ERBB4: variants seen among roughly 807,000 people sequenced by gnomAD.
ERBB4 encodes the protein erb-b2 receptor tyrosine kinase 4.
A neutral mutation model predicts 158.0 loss-of-function variants in ERBB4; 42 were observed. The observed-to-expected ratio is 0.27, with a 90% CI of 0.21 to 0.34. The LOEUF (loss-of-function observed/expected upper bound fraction) is 0.34. Among genes scored for constraint, ERBB4 ranks in the 10% least tolerant of loss-of-function variants. The pLI, the probability that ERBB4 is intolerant of heterozygous loss-of-function variation, is 1.00. For missense variants in ERBB4, 1,333 were observed against 1,624.1 expected, an observed-to-expected ratio of 0.82 and a Z score of 3.08; for synonymous variants, 583 against 558.7, an observed-to-expected ratio of 1.04 and a Z score of -0.61.
chr2:212,215,492 A>G (rs1451522139), intron 1 of ERBB4, among the ~76,000 whole-genome samples: 1 of 151,412 alleles, frequency 6.6e-6, no homozygotes, highest in African/African-American at 2.4e-5. Flanking sequence ...TGATTTCTTA[A>G]TATTTCAACA....
chr2:212,512,044 C>A (rs1691551372), intron 1 of ERBB4, among the ~76,000 whole-genome samples: 1 of 152,066 alleles, frequency 6.6e-6, no homozygotes, highest in South Asian at 2.1e-4. Flanking sequence ...AGAATTCTAT[C>A]CCATTTTCAC....
chr2:211,713,707 C>A (rs919270515), intron 7 of ERBB4, 59 bp from the exon 8 acceptor site: 1 of 1,005,116 alleles, frequency 9.9e-7, no homozygotes, highest in South Asian at 1.3e-5. Flanking sequence ...AGCAAACAAG[C>A]TCAAAACAAG....
intron 12 of ERBB4, among the ~76,000 whole-genome samples, chr2:211,694,834 A>G (rs1018760948): frequency 2.6e-5 from 4 of 152,166 alleles, no homozygotes; most frequent in Non-Finnish European, 5.9e-5. Context: ...ACATTTACTC[A>G]AGATAGCATG....
intron 6 of ERBB4, among the ~76,000 whole-genome samples, chr2:211,723,766 C>T (rs2074177919): frequency 6.6e-6 from 1 of 152,118 alleles, no homozygotes; most frequent in Non-Finnish European, 1.5e-5. Flanking sequence ...ACAGATTGCT[C>T]AGGAACAAAG....
intron 14 of ERBB4, among the ~76,000 whole-genome samples, chr2:211,669,839 TCA>T (rs1196440168): frequency 6.6e-6 from 1 of 152,162 alleles, no homozygotes; most frequent in Non-Finnish European, 1.5e-5. Flanking sequence ...TATAGTTGAG[TCA>T]CAGTTTCATA....
chr2:212,188,216 C>G, intron 1 of ERBB4, among the ~76,000 whole-genome samples: 1 of 33,436 alleles, frequency 3.0e-5, no homozygotes, highest in Non-Finnish European at 6.4e-5. Context: ...CTCTCTCTCT[C>G]TCTCTCTCTC....
At chr2:211,724,282 A>C (rs565344987) in intron 6 of ERBB4, among the ~76,000 whole-genome samples, 17 of 152,186 alleles carry the variant, frequency 1.1e-4, no homozygotes, top group African/African-American at 3.6e-4. Context: ...GAAAACTAAG[A>C]AATTACTGTC....
intron 1 of ERBB4, among the ~76,000 whole-genome samples, chr2:212,533,647 A>G (rs1478355500): frequency 6.6e-6 from 1 of 152,218 alleles, no homozygotes; most frequent in East Asian, 1.9e-4. Context: ...CAATAGCTGT[A>G]TTAGAAATCA....
chr2:212,408,257 A>G (rs937141585), intron 1 of ERBB4, among the ~76,000 whole-genome samples: 2 of 151,806 alleles, frequency 1.3e-5, no homozygotes, highest in East Asian at 1.9e-4. Context: ...CCCTCCCCCA[A>G]TAGGTCCCAG....
At chr2:211,861,327 GT>G (rs1331572867) in intron 3 of ERBB4, among the ~76,000 whole-genome samples, 53 of 102,158 alleles carry the variant, frequency 5.2e-4, no homozygotes, top group Admixed American at 7.6e-4. Flanking sequence ...GTCCAGGCGT[GT>G]TTTTTTTTTT....
chr2:211,867,249 T>C (rs532281321), intron 3 of ERBB4, among the ~76,000 whole-genome samples: 68 of 152,264 alleles, frequency 4.5e-4, no homozygotes, highest in African/African-American at 1.2e-3. Flanking sequence ...TTTTCGGCTT[T>C]GATTCAGCTG....
chr2:211,546,795 G>A (rs1290054131), intron 20 of ERBB4, among the ~76,000 whole-genome samples: 1 of 152,062 alleles, frequency 6.6e-6, no homozygotes, highest in Admixed American at 6.6e-5. Context: ...GCTAATGCTA[G>A]AATCAAGCTT....
chr2:211,701,830 A>C, intron 12 of ERBB4, 137 bp downstream of exon 12: 2 of 653,572 alleles, frequency 3.1e-6, no homozygotes, highest in Non-Finnish European at 5.4e-6. Context: ...GGTAATTGTA[A>C]CAACTACCTT....
chr2:212,531,096 G>T (rs893180759), intron 1 of ERBB4, among the ~76,000 whole-genome samples: 1 of 152,110 alleles, frequency 6.6e-6, no homozygotes, highest in Non-Finnish European at 1.5e-5. Context: ...TCATGGGAGA[G>T]GCTTAATGAT....
intron 1 of ERBB4, among the ~76,000 whole-genome samples, chr2:212,162,987 T>C (rs1287898933): frequency 6.6e-6 from 1 of 151,962 alleles, no homozygotes; most frequent in Non-Finnish European, 1.5e-5. Context: ...AGAACAGGAA[T>C]GCCAAACTTT....
intron 1 of ERBB4, among the ~76,000 whole-genome samples, chr2:212,290,658 CTTTTCGTGTGTG>C (rs1325344747): frequency 5.9e-5 from 9 of 151,298 alleles, no homozygotes; most frequent in African/African-American, 2.2e-4. Flanking sequence ...TACTATATTT[CTTTTCGTGTGTG>C]TGTGTGTGTG....
chr2:212,106,893 G>A (rs1029080081), intron 2 of ERBB4, among the ~76,000 whole-genome samples: 3 of 152,254 alleles, frequency 2.0e-5, no homozygotes, highest in African/African-American at 4.8e-5. Flanking sequence ...GTTGACCCTG[G>A]TGGTGCACAG....
chr2:212,255,995 TTA>T (rs201546552), intron 1 of ERBB4, among the ~76,000 whole-genome samples: 63,213 of 109,886 alleles, frequency 0.58, 14,592 homozygotes, highest in East Asian at 0.76. Flanking sequence ...TAAGTTTTAT[TTA>T]TTTATTTTTT....
chr2:212,418,429 A>G (rs1480699871), intron 1 of ERBB4, among the ~76,000 whole-genome samples: 1 of 151,662 alleles, frequency 6.6e-6, no homozygotes, highest in Non-Finnish European at 1.5e-5. Context: ...GAGTAATCCA[A>G]AATTGTGTGT....
Sources: allele counts gnomAD v4.1 joint callset (sites outside exome capture counted in the v4.1 genomes callset), GRCh38; gene constraint gnomAD v4.1.1; transcripts MANE v1.5; gene names NCBI Gene and HGNC (gene_info 2026-07-23, HGNC 2026-07-21).